The following FRMPD4 variants were observed in gnomAD, a reference collection of about 807,000 sequenced individuals.
The protein encoded by FRMPD4 is FERM and PDZ domain containing 4, also known as FERM and PDZ domain-containing protein 4.
A neutral mutation model predicts 94.1 loss-of-function variants in FRMPD4; 22 were observed. The ratio of observed to expected loss-of-function variants is 0.23; its 90% CI spans 0.17 to 0.33. FRMPD4 has a LOEUF of 0.33. Ranked by LOEUF, FRMPD4 falls within the 10% of genes least tolerant of loss-of-function variation. The pLI, the probability that FRMPD4 is intolerant of heterozygous loss-of-function variation, is 1.00. For synonymous variants in FRMPD4, 631 were observed against 548.6 expected (o/e 1.15, Z -2.10); for missense variants, 1,111 against 1,339.9 (o/e 0.83, Z 2.67).
At chrX:11,860,390 G>T (rs2053679552) in intron 1 of FRMPD4, among the ~76,000 whole-genome samples, 1 of 112,055 alleles carries the variant, frequency 8.9e-6, no homozygotes, top group African/African-American at 3.2e-5. Context: ...CTGTGTGATT[G>T]AAGACACTCT....
chrX:11,961,278 C>T (rs759640030), intron 3 of FRMPD4, among the ~76,000 whole-genome samples: 22 of 111,960 alleles, frequency 2.0e-4, no homozygotes, highest in Non-Finnish European at 3.2e-4. Flanking sequence ...GATTGCTAAC[C>T]GTGGTTTCTG....
intron 1 of FRMPD4, among the ~76,000 whole-genome samples, chrX:12,272,498 C>A (rs1205761486): frequency 1.8e-5 from 2 of 111,249 alleles, no homozygotes; most frequent in Non-Finnish European, 3.8e-5. Context: ...GTTGTTGATA[C>A]CTGAGCAGCA....
At chrX:12,241,140 C>T (rs759497871) in intron 1 of FRMPD4, among the ~76,000 whole-genome samples, 106 of 112,252 alleles carry the variant, frequency 9.4e-4, no homozygotes, top group Non-Finnish European at 1.4e-3. Flanking sequence ...AAGCTGGCAA[C>T]AATAGAAATT....
intron 1 of FRMPD4, among the ~76,000 whole-genome samples, chrX:12,419,529 G>A (rs891091145): frequency 3.6e-5 from 4 of 111,575 alleles, no homozygotes; most frequent in South Asian, 3.9e-4. Context: ...ATTAGATATC[G>A]GTAGATGTAA....
At position 12,332,155 on chromosome X, in the gene FRMPD4, T is replaced by C. The variant is rs867531462; in HGVS notation, c.42-166525T>C. ...TATTATATATAATTTATATTTTATA[T>C]ATAATTTATATTTTACATATATATA... On this transcript the variant is annotated intron_variant, in intron 1 of 16. Coordinates refer to ENST00000675598, the MANE Select transcript of FRMPD4 (RefSeq NM_001368397.1). 2.3e-3 allele frequency among the ~76,000 whole-genome samples: 189 copies of C among 81,729 alleles called. 21 individuals are homozygous for C. The highest frequency in any genetic ancestry group is 9.6e-3 in the African/African-American group (178 of 18,470). The allele number at this position is 81,729 out of a possible 115,157, so 71.0% of individuals were successfully genotyped here.
At chrX:12,331,656 T>C (rs1300757525) in intron 1 of FRMPD4, among the ~76,000 whole-genome samples, 2 of 77,280 alleles carry the variant, frequency 2.6e-5, no homozygotes, top group Non-Finnish European at 4.6e-5. Context: ...TATATATTTA[T>C]ATAATATATA....
At chrX:12,138,157 G>C (rs1210953963), upstream of FRMPD4, among the ~76,000 whole-genome samples, 1 of 112,509 alleles carries the variant, frequency 8.9e-6, no homozygotes, top group Non-Finnish European at 1.9e-5. Flanking sequence ...CCCGAATCGA[G>C]CCCGCTGCGC....
chrX:12,584,149 A>T (rs2058898353), intron 2 of FRMPD4, among the ~76,000 whole-genome samples: 1 of 112,292 alleles, frequency 8.9e-6, no homozygotes, highest in African/African-American at 3.2e-5. Flanking sequence ...CGGATTTTAA[A>T]GCTCACCTGT....
chrX:12,064,365 T>A (rs2054905447), intron 3 of FRMPD4, among the ~76,000 whole-genome samples: 1 of 111,809 alleles, frequency 8.9e-6, no homozygotes, highest in South Asian at 3.7e-4. Context: ...CAGGGGAAAA[T>A]TCATGAGAGA....
intron 3 of FRMPD4, among the ~76,000 whole-genome samples, chrX:12,116,015 T>C (rs1249412225): frequency 8.9e-6 from 1 of 112,541 alleles, no homozygotes; most frequent in African/African-American, 3.2e-5. Context: ...TTCTAGTCTT[T>C]CCTTTTTATA....
intron 1 of FRMPD4, among the ~76,000 whole-genome samples, chrX:12,298,804 G>A (rs1051215374): frequency 2.7e-5 from 3 of 112,286 alleles, no homozygotes; most frequent in Non-Finnish European, 5.6e-5. Context: ...AAGGTGCATG[G>A]CCAATGGCCC....
chrX:11,988,722 C>A (rs2054447560), intron 3 of FRMPD4, among the ~76,000 whole-genome samples: 1 of 111,590 alleles, frequency 9.0e-6, no homozygotes, highest in South Asian at 3.7e-4. Context: ...GAATTAATAA[C>A]CAGAATACAT....
rs1280071542 is a variant in FRMPD4 at position 11,835,574 on chromosome X, T to G, written c.-161+12859T>G. Among the ~76,000 whole-genome samples, 3 of 112,344 alleles carry G rather than the reference T, an allele frequency of 2.7e-5. No homozygotes were observed. The East Asian group carries it at 8.5e-4, about 32-fold the overall frequency. ...AGGGGTACTATAGGGTCAAGTGGCC[T>G]GAGTAAGAAGCCAGTTTGGCTTAGC... On this transcript the variant is annotated intron_variant, in intron 1 of 18. Coordinates refer to the FRMPD4 transcript ENST00000640291.
chrX:12,688,987 G>A (rs2060055922), intron 7 of FRMPD4, among the ~76,000 whole-genome samples: 1 of 110,590 alleles, frequency 9.0e-6, no homozygotes, highest in African/African-American at 3.3e-5. Context: ...TTACTGTGGG[G>A]CTGTCTCTGC....
chrX:12,164,090 A>G (rs2056072237), intron 1 of FRMPD4, among the ~76,000 whole-genome samples: 2 of 109,846 alleles, frequency 1.8e-5, no homozygotes, highest in Non-Finnish European at 3.8e-5. Context: ...ATATATGTGC[A>G]CAACGTGCAG....
intron 1 of FRMPD4, among the ~76,000 whole-genome samples, chrX:11,834,347 G>A (rs1374211769): frequency 8.9e-6 from 1 of 111,737 alleles, no homozygotes; most frequent in Non-Finnish European, 1.9e-5. Context: ...TCCTTCCGTT[G>A]GTTCTCCAAT....
chrX:12,323,437 A>C (rs1408042243), intron 1 of FRMPD4, among the ~76,000 whole-genome samples: 2 of 111,535 alleles, frequency 1.8e-5, no homozygotes, highest in Admixed American at 9.5e-5. Context: ...TGGTGCCAGG[A>C]TGGTTACTAA....
chrX:12,104,066 G>T (rs1211986993), intron 3 of FRMPD4, among the ~76,000 whole-genome samples: 4 of 112,258 alleles, frequency 3.6e-5, no homozygotes, highest in Non-Finnish European at 1.9e-5. Context: ...ATTAGGGCAA[G>T]CAAGACAGAG....
At chrX:12,611,920 A>G (rs1234849458) in intron 3 of FRMPD4, among the ~76,000 whole-genome samples, 1 of 110,284 alleles carries the variant, frequency 9.1e-6, no homozygotes, top group African/African-American at 3.4e-5. Flanking sequence ...ATAGAGGAGA[A>G]AGTAAAAAAA....
Sources: allele counts gnomAD v4.1 joint callset (sites outside exome capture counted in the v4.1 genomes callset), GRCh38; gene constraint gnomAD v4.1.1; transcripts MANE v1.5; gene names NCBI Gene and HGNC (gene_info 2026-07-23, HGNC 2026-07-21).